CCT7: variants seen among roughly 807,000 people sequenced by gnomAD.
CCT7 encodes chaperonin containing TCP1 subunit 7, also known as T-complex protein 1 subunit eta.
Under a neutral mutation model 56.6 loss-of-function variants are expected in CCT7, and 16 were observed. The observed-to-expected ratio is 0.28, with a 90% CI of 0.19 to 0.43. The LOEUF (loss-of-function observed/expected upper bound fraction) is 0.43, where lower values mean the gene tolerates loss of function less well. Among genes scored for constraint, CCT7 ranks in the 20% least tolerant of loss-of-function variants. CCT7 has a pLI of 1.00. For missense variants in CCT7, 519 were observed against 685.6 expected (o/e 0.76, Z 2.71); for synonymous variants, 262 against 254.8 (o/e 1.03, Z -0.27).
intron 11 of CCT7, 28 bp downstream of exon 11, chr2:73,251,460 G>GCT: frequency 2.8e-6 from 4 of 1,444,918 alleles, no homozygotes; most frequent in Non-Finnish European, 2.9e-6. Flanking sequence ...CCAGGGTTCA[G>GCT]GGTTTGGGCG....
Position 73,239,785 on chromosome 2 carries a change from T to C in CCT7, c.149T>C (p.Val50Ala). The change falls in exon 2 of 12, where the codon GTA (valine) becomes GCA (alanine). Residue 50 changes from valine to alanine, a missense_variant. Around this residue, in one of 3 missense-constraint regions of CCT7, gnomAD observed 276 missense variants for 357.3 expected, o/e 0.77. Coordinates refer to ENST00000258091, the MANE Select transcript of CCT7 (RefSeq NM_006429.4). ...CCCCGTGGCATGGACAAGCTTATTG[T>C]AGATGGCAGAGGTAAGTCTACAGAG... ...LGPRGMDKLI[V>A]DGRGKATISN... 6.2e-7 allele frequency: 1 copy of C among 1,613,916 alleles called. No individual in the cohort carries two copies. The highest frequency in any genetic ancestry group is 8.5e-7 in the Non-Finnish European group (1 of 1,179,844).
rs569533351 is a variant in CCT7, at chr2:73,239,277, AG to A, written c.7-363del. On this transcript the variant is annotated intron_variant, in intron 1 of 11. Coordinates refer to ENST00000258091, the MANE Select transcript of CCT7 (RefSeq NM_006429.4). ...TTTTGCTGCGGAATGAACACTTAGC[AG>A]GGTCTGCCTCTTCCTCCTGTGTTGT... 2.0e-4 allele frequency: 34 copies of A among 171,328 alleles called. No homozygotes were observed. The South Asian group carries it at 5.3e-3, about 27-fold the overall frequency. The allele number at this position is 171,328 out of a possible 1,614,324, so 10.6% of individuals were successfully genotyped here.
At chr2:73,234,495 C>T (rs1686771202) in intron 1 of CCT7, 111 bp downstream of exon 1, 27 of 1,286,328 alleles carry the variant, frequency 2.1e-5, no homozygotes, top group Non-Finnish European at 3.0e-5. Context: ...CGCCTCTGTC[C>T]TCGCCCAGAT....
intron 5 of CCT7, 138 bp downstream of exon 5, chr2:73,244,187 A>C (rs1487042957): frequency 4.7e-6 from 4 of 853,160 alleles, no homozygotes; most frequent in Admixed American, 2.7e-5. Context: ...GGTGTGAGTC[A>C]CCGTGTCAGG....
intron 4 of CCT7, among the ~76,000 whole-genome samples, chr2:73,243,593 A>G (rs565565794): frequency 6.6e-6 from 1 of 152,314 alleles, no homozygotes; most frequent in Admixed American, 6.5e-5. Flanking sequence ...AAAAATAAAA[A>G]GTTTATATAT....
intron 7 of CCT7, 40 bp downstream of exon 7, chr2:73,247,966 C>T: frequency 2.5e-6 from 4 of 1,588,508 alleles, no homozygotes; most frequent in Non-Finnish European, 3.5e-6. Flanking sequence ...TGGAAATGGG[C>T]AGCTTTCTGA....
At chr2:73,239,998 G>T in intron 2 of CCT7, 1 of 517,444 alleles carries the variant, frequency 1.9e-6, no homozygotes, top group Non-Finnish European at 3.4e-6. Flanking sequence ...AGGCTCAGGA[G>T]CCTGTTGCCT....
At chr2:73,248,373 C>G (rs1216319193) in intron 7 of CCT7, among the ~76,000 whole-genome samples, 1 of 150,760 alleles carries the variant, frequency 6.6e-6, no homozygotes, top group Non-Finnish European at 1.5e-5. Context: ...TCCTTTAAGA[C>G]GGAGTCTCGC....
intron 7 of CCT7, 112 bp downstream of exon 7, chr2:73,248,038 T>G: frequency 1.1e-6 from 1 of 919,702 alleles, no homozygotes; most frequent in Non-Finnish European, 1.7e-6. Context: ...CCCCTGAATA[T>G]TGATGTCTAA....
chr2:73,251,545 TC>T lies in CCT7; in HGVS notation c.1410+119del, dbSNP rs1574366098. ...CCTGGCCCAGGAGATAGGCTGCAAC[TC>T]CCCCCAGCCTGTCTGCCTGACCAAC... is the stretch of plus-strand genomic sequence containing the variant. On this transcript the variant is annotated intron_variant, in intron 11 of 11. Transcript: ENST00000258091. 2.9e-5 allele frequency: 26 copies of T among 890,508 alleles called. No homozygotes were observed. In the Admixed American group the frequency reaches 3.2e-4, roughly 11 times the overall value. The allele number at this position is 890,508 out of a possible 1,614,324, so 55.2% of individuals were successfully genotyped here. A position where few individuals can be genotyped will look rare whatever the true frequency, so the allele number is the denominator to read the frequency against.
chr2:73,246,523 T>C (rs1295025847), intron 6 of CCT7, among the ~76,000 whole-genome samples: 1 of 152,250 alleles, frequency 6.6e-6, no homozygotes, highest in Non-Finnish European at 1.5e-5. Context: ...ATTGTACTTA[T>C]TTACTATTTG....
Position 73,234,326 on chromosome 2 carries a change from G to A in CCT7, c.-53G>A, listed in dbSNP as rs1686757667. ...GCGAGGCATTGTGGGTTGCTGGGCG[G>A]CCCGGTCTCGGAGAAGAGGGGAGAG... On this transcript the variant is annotated 5_prime_UTR_variant, in exon 1 of 12. Transcript: ENST00000258091. 7 of 1,612,374 alleles carry A rather than the reference G, an allele frequency of 4.3e-6. No individual in the cohort carries two copies. The highest frequency in any genetic ancestry group is 1.1e-5 in the South Asian group (1 of 91,060).
intron 10 of CCT7, 44 bp downstream of exon 10, chr2:73,250,482 T>C (rs1687533468): frequency 1.2e-6 from 2 of 1,607,606 alleles, no homozygotes; most frequent in East Asian, 4.5e-5. Flanking sequence ...TACTCTCTCC[T>C]ATCTCCCTAG....
intron 6 of CCT7, among the ~76,000 whole-genome samples, chr2:73,245,017 T>C (rs1158731792): frequency 6.6e-6 from 1 of 152,214 alleles, no homozygotes; most frequent in East Asian, 1.9e-4. Flanking sequence ...ATCAATGACC[T>C]CCCAATTAAT....
intron 1 of CCT7, 82 bp from the exon 2 acceptor site, chr2:73,239,561 G>T: frequency 7.8e-7 from 1 of 1,277,372 alleles, no homozygotes; most frequent in South Asian, 1.4e-5. Flanking sequence ...TTAAGGGAGA[G>T]ATGGGAGCAT....
intron 5 of CCT7, chr2:73,244,284 G>C: frequency 6.6e-6 from 4 of 610,290 alleles, no homozygotes; most frequent in Non-Finnish European, 1.1e-5. Context: ...GGGCTGTTTG[G>C]CTCCTGCCAG....
rs1687651816 is a variant in CCT7 at position 73,252,755 on chromosome 2, C to T, written c.1526C>T (p.Ala509Val). 6.2e-7 allele frequency: 1 copy of T among 1,614,146 alleles called. No individual in the cohort carries two copies. Residue 509 changes from alanine to valine, a missense_variant, in exon 12 of 12, where the codon GCT becomes GTT. Physicochemically the swap from Ala to Val is moderately conservative, Grantham distance 64. This residue lies in a region of CCT7 where 237 missense variants were observed against 300.8 expected (regional missense o/e 0.79). Coordinates refer to ENST00000258091, the MANE Select transcript of CCT7 (RefSeq NM_006429.4). ...RINALTAASE[A>V]ACLIVSVDET... ...AATGCGCTGACAGCAGCCTCTGAGG[C>T]TGCGTGCCTGATCGTGTCTGTAGAT...
chr2:73,237,461 G>A (rs1686930183), intron 1 of CCT7: 1 of 152,324 alleles, frequency 6.6e-6, no homozygotes, highest in African/African-American at 2.4e-5. Context: ...GGCAGGGGTG[G>A]ACCAGAGAAG....
chr2:73,244,269 G>A, intron 5 of CCT7: 1 of 618,072 alleles, frequency 1.6e-6, no homozygotes, highest in African/African-American at 1.8e-5. Flanking sequence ...CCCTCTATGT[G>A]CCTGGGGCTG....
Sources: gnomAD v4.1 joint callset for allele counts (sites outside exome capture counted in the v4.1 genomes callset) on GRCh38, gnomAD v4.1.1 for gene constraint, gnomAD v4.1.1 regional missense constraint, MANE v1.5 for transcripts, NCBI Gene and HGNC (gene_info 2026-07-23, HGNC 2026-07-21) for gene names.